Variants in LAMB1 observed in about 807,000 individuals in gnomAD.
LAMB1 encodes laminin subunit beta 1, also known as laminin subunit beta-1.
In LAMB1, 121 loss-of-function variants were observed where a neutral mutation model predicts 222.3. The ratio of observed to expected loss-of-function variants is 0.54; its 90% CI spans 0.47 to 0.63. The LOEUF (loss-of-function observed/expected upper bound fraction) is 0.63, where lower values mean the gene tolerates loss of function less well. LAMB1 is among the 30% of genes least tolerant of loss of function. LAMB1 has a pLI of 0.00. For synonymous variants in LAMB1, 794 were observed against 807.2 expected (o/e 0.98, Z 0.28); for missense variants, 2,172 against 2,240.8 (o/e 0.97, Z 0.62).
chr7:108,000,081 A>T (rs1157205188), intron 3 of LAMB1: 4 of 152,160 alleles, frequency 2.6e-5, no homozygotes, highest in Non-Finnish European at 1.5e-5. Context: ...CCTCTCAAGT[A>T]AGTGTTAGCA....
intron 31 of LAMB1, among the ~76,000 whole-genome samples, chr7:107,928,707 G>A (rs1283868947): frequency 6.6e-6 from 1 of 152,110 alleles, no homozygotes; most frequent in Non-Finnish European, 1.5e-5. Flanking sequence ...TGGCCACGCT[G>A]GTCTTGAACT....
intron 22 of LAMB1, 144 bp downstream of exon 22, chr7:107,953,386 C>A: frequency 3.2e-6 from 2 of 634,188 alleles, no homozygotes; most frequent in Admixed American, 3.0e-5. Context: ...TTGGTCTCAT[C>A]TTTCCTTAGT....
intron 13 of LAMB1, among the ~76,000 whole-genome samples, chr7:107,971,902 C>A (rs1283408780): frequency 6.6e-6 from 1 of 152,158 alleles, no homozygotes; most frequent in African/African-American, 2.4e-5. Context: ...ACTTTTATCT[C>A]ATCAAGAAGG....
chr7:107,937,363 C>G (rs1283912030), intron 25 of LAMB1, 86 bp from the exon 26 acceptor site: 3 of 1,018,656 alleles, frequency 2.9e-6, no homozygotes, highest in Non-Finnish European at 4.4e-6. Context: ...GTACTGTATC[C>G]ATTACTAATT....
At chr7:107,962,834 C>G in intron 15 of LAMB1, 71 bp downstream of exon 15, 3 of 1,257,028 alleles carry the variant, frequency 2.4e-6, no homozygotes, top group Non-Finnish European at 3.4e-6. Context: ...TATATAATAC[C>G]CATTAGAAGT....
intron 5 of LAMB1, among the ~76,000 whole-genome samples, chr7:107,992,634 G>A (rs759312046): frequency 1.3e-4 from 20 of 152,178 alleles, no homozygotes; most frequent in Non-Finnish European, 2.5e-4. Flanking sequence ...CGGTAGGCAC[G>A]CCTGTAATCC....
chr7:107,997,635 T>A (rs542937395), intron 4 of LAMB1, among the ~76,000 whole-genome samples: 1 of 152,302 alleles, frequency 6.6e-6, no homozygotes, highest in African/African-American at 2.4e-5. Flanking sequence ...ATTTTAAAGA[T>A]CTAACAGTAC....
chr7:107,964,238 C>T (rs1162094301), intron 14 of LAMB1, among the ~76,000 whole-genome samples: 1 of 152,174 alleles, frequency 6.6e-6, no homozygotes, highest in Non-Finnish European at 1.5e-5. Flanking sequence ...AAAAAATATC[C>T]TTGCCTCAGT....
chr7:107,963,785 G>C (rs2033563720), intron 14 of LAMB1, among the ~76,000 whole-genome samples: 1 of 152,290 alleles, frequency 6.6e-6, no homozygotes, highest in East Asian at 1.9e-4. Context: ...CCTCTTTTTG[G>C]AAGCTGGAAG....
rs376303461 is a variant in LAMB1 at position 107,961,323 on chromosome 7, G to A, written c.1992C>T (p.Val664=). 27 of 1,613,474 alleles carry A rather than the reference G, an allele frequency of 1.7e-5. No individual in the cohort carries two copies. Among genetic ancestry groups the A allele is most frequent in the South Asian group, 4.4e-5 (4 of 90,914 alleles). The change falls in exon 17 of 34, where the codon GTC becomes GTT. Residue 664 remains valine, a synonymous_variant. Coordinates refer to ENST00000222399, the MANE Select transcript of LAMB1 (RefSeq NM_002291.3). ...CAAAGCACACCGGCCGAGGAAGGACGACATATCTGCCCCCAAACAAAAAAG... is the reference window on the plus strand; with the variant it reads ...CAAAGCACACCGGCCGAGGAAGGACAACATATCTGCCCCCAAACAAAAAAG... ...VVSLSPGSRY[V]VLPRPVCFEK...
chr7:107,976,377 C>A (rs1402458238), intron 9 of LAMB1, among the ~76,000 whole-genome samples: 4 of 152,188 alleles, frequency 2.6e-5, no homozygotes, highest in Non-Finnish European at 5.9e-5. Context: ...CCACACCAGG[C>A]CAGGCCATAG....
rs576169443 is a variant in LAMB1 at position 107,959,236 on chromosome 7, A to C, written c.2690+13T>G. On this transcript the variant is annotated intron_variant, in intron 20 of 33. Coordinates refer to ENST00000222399, the MANE Select transcript of LAMB1 (RefSeq NM_002291.3). ...AGATCACTACATTCTCCTTACTTTC[A>C]GCATCTGCATACCTTTCACAGTTAT... 16 of 1,594,614 alleles carry C rather than the reference A, an allele frequency of 1.0e-5. No individual in the cohort carries two copies. The South Asian group carries it at 1.5e-4, about 15-fold the overall frequency.
In LAMB1 at chr7:107,964,682, A is replaced by G; in HGVS notation, c.1568T>C (p.Phe523Ser). Reference sequence around the variant, plus strand: ...GCATGAGCACTGGCCTGACTCCGCAAAGCAACTGGAAGGGAGGAGGAGCCA... The same window carrying G: ...GCATGAGCACTGGCCTGACTCCGCAGAGCAACTGGAAGGGAGGAGGAGCCA... The part of the protein sequence containing the change: ...DLGGALNNSC[F>S]AESGQCSCRP... The change falls in exon 14 of 34, where the codon TTT (phenylalanine) becomes TCT (serine). Residue 523 changes from phenylalanine to serine, a missense_variant. Transcript: ENST00000222399. 6.2e-7 allele frequency: 1 copy of G among 1,614,124 alleles called. No homozygotes were observed. The highest frequency in any genetic ancestry group is 8.5e-7 in the Non-Finnish European group (1 of 1,179,994).
rs533505068 is a variant in LAMB1 at position 107,949,249 on chromosome 7, G to A, written c.3391+1977C>T. On this transcript the variant is annotated intron_variant, in intron 24 of 33. Coordinates refer to ENST00000222399, the MANE Select transcript of LAMB1 (RefSeq NM_002291.3). ...GTTTAAAGAAAAGATAAAAGGGTAA[G>A]GAGTAAAGTTCTAAGGACCACATGA... Among the ~76,000 whole-genome samples the A allele has an allele frequency of 2.4e-4, 36 of 152,354 alleles. 1 individual carries two copies. The highest frequency in any genetic ancestry group is 8.4e-4 in the African/African-American group (35 of 41,588).
chr7:107,985,572 T>A (rs979944958), intron 7 of LAMB1, among the ~76,000 whole-genome samples: 3 of 151,852 alleles, frequency 2.0e-5, no homozygotes, highest in Non-Finnish European at 4.4e-5. Flanking sequence ...GAGGTTGCAG[T>A]GAGCCTAGAT....
At chr7:107,934,288 G>C (rs1244611711) in intron 27 of LAMB1, among the ~76,000 whole-genome samples, 1 of 152,194 alleles carries the variant, frequency 6.6e-6, no homozygotes, top group Non-Finnish European at 1.5e-5. Flanking sequence ...GATGAGAGGA[G>C]GGAGGAAGCA....
chr7:107,926,293 C>T lies in LAMB1; in HGVS notation c.4954G>A (p.Glu1652Lys). The change falls in exon 32 of 34, where the codon GAG becomes AAG. Residue 1652 changes from glutamate (E) to lysine (K), a missense_variant. Coordinates refer to ENST00000222399, the MANE Select transcript of LAMB1 (RefSeq NM_002291.3). ...CGCTTAAGTTCTTCCACATTCCTCT[C>T]TAACTCGCTGATGCGCTGGGACGCG... Reference protein sequence around the residue: ...FNASQRISELERNVEELKRKA... With the variant: ...FNASQRISELKRNVEELKRKA... 6.2e-7 allele frequency: 1 copy of T among 1,614,048 alleles called. No homozygotes were observed. Among genetic ancestry groups the T allele is most frequent in the Non-Finnish European group, 8.5e-7 (1 of 1,179,918 alleles).
At chr7:107,947,469 T>G (rs2033142527) in intron 24 of LAMB1, among the ~76,000 whole-genome samples, 1 of 152,242 alleles carries the variant, frequency 6.6e-6, no homozygotes, top group Non-Finnish European at 1.5e-5. Flanking sequence ...CCTGCTGATC[T>G]CTGGGCCCAT....
At chr7:107,986,524 C>T (rs1019539745) in intron 5 of LAMB1, among the ~76,000 whole-genome samples, 161 bp from the exon 6 acceptor site, 9 of 152,156 alleles carry the variant, frequency 5.9e-5, no homozygotes, top group Admixed American at 2.0e-4. Context: ...CAAGCTGTTC[C>T]ACAGAGACTC....
Sources: gnomAD v4.1 joint callset for allele counts (sites outside exome capture counted in the v4.1 genomes callset) on GRCh38, gnomAD v4.1.1 for gene constraint, MANE v1.5 for transcripts, NCBI Gene and HGNC (gene_info 2026-07-23, HGNC 2026-07-21) for gene names.